Variants in TCF7L2 observed in about 807,000 individuals in gnomAD.
TCF7L2 encodes transcription factor 7 like 2.
A neutral mutation model predicts 77.9 loss-of-function variants in TCF7L2; 23 were observed. The observed-to-expected ratio is 0.30, with a 90% confidence interval of 0.21 to 0.42. The LOEUF (loss-of-function observed/expected upper bound fraction) is 0.42, where lower values mean the gene tolerates loss of function less well. TCF7L2 is among the 10% of genes least tolerant of loss of function. The pLI, the probability that TCF7L2 is intolerant of heterozygous loss-of-function variation, is 1.00. For synonymous variants in TCF7L2, 413 were observed against 340.2 expected (o/e 1.21, Z -2.36); for missense variants, 654 against 793.1 (o/e 0.82, Z 2.11).
intron 3 of TCF7L2, among the ~76,000 whole-genome samples, chr10:112,961,297 C>T (rs1264163698): frequency 2.1e-5 from 3 of 143,510 alleles, no homozygotes; most frequent in Non-Finnish European, 4.5e-5. Flanking sequence ...GCTGGGATTA[C>T]AGGCGTGAGC....
chr10:113,075,034 G>T (rs2058533520), intron 5 of TCF7L2, among the ~76,000 whole-genome samples: 1 of 152,104 alleles, frequency 6.6e-6, no homozygotes, highest in African/African-American at 2.4e-5. Context: ...TAGAGACAGG[G>T]TCTGGCTCTG....
chr10:113,013,388 G>A (rs141421832), intron 4 of TCF7L2, among the ~76,000 whole-genome samples: 1 of 152,204 alleles, frequency 6.6e-6, no homozygotes, highest in East Asian at 1.9e-4. Flanking sequence ...CAGAGTGCTG[G>A]GATTACGGGC....
At chr10:113,031,106 C>G (rs1186768537) in intron 4 of TCF7L2, among the ~76,000 whole-genome samples, 1 of 152,206 alleles carries the variant, frequency 6.6e-6, no homozygotes, top group Non-Finnish European at 1.5e-5. Context: ...CAAAGTCCTG[C>G]GTTCTGGTTT....
chr10:113,090,642 G>C (rs551925557), intron 5 of TCF7L2, among the ~76,000 whole-genome samples: 1 of 152,012 alleles, frequency 6.6e-6, no homozygotes. Flanking sequence ...ATAGAGTCTC[G>C]CTCTGTTGCC....
chr10:112,965,458 G>C (rs556841279), intron 4 of TCF7L2, among the ~76,000 whole-genome samples: 1 of 152,196 alleles, frequency 6.6e-6, no homozygotes, highest in African/African-American at 2.4e-5. Context: ...GAGTGTTCTG[G>C]CTTAACCCTT....
At chr10:113,033,070 A>C (rs183319492) in intron 4 of TCF7L2, among the ~76,000 whole-genome samples, 1 of 152,286 alleles carries the variant, frequency 6.6e-6, no homozygotes, top group African/African-American at 2.4e-5. Context: ...GGAAAAACTT[A>C]AAAGAGTTCC....
intron 3 of TCF7L2, among the ~76,000 whole-genome samples, chr10:112,962,474 A>T (rs2035512025): frequency 6.6e-6 from 1 of 152,206 alleles, no homozygotes; most frequent in African/African-American, 2.4e-5. Flanking sequence ...TTTTAACATG[A>T]TGCAGAATTG....
At chr10:113,089,490 A>G (rs1434413370) in intron 5 of TCF7L2, 1 of 1,613,788 alleles carries the variant, frequency 6.2e-7, no homozygotes, top group East Asian at 2.2e-5. Flanking sequence ...CTTCAGGGAC[A>G]TGAAAAGGAG....
At chr10:113,141,405 G>A (rs2136853934) in intron 6 of TCF7L2, 89 bp downstream of exon 6, 1 of 1,572,526 alleles carries the variant, frequency 6.4e-7, no homozygotes, top group Non-Finnish European at 8.6e-7. Context: ...CCCAGGGGTG[G>A]AGCAGTAGGG....
intron 13 of TCF7L2, among the ~76,000 whole-genome samples, chr10:113,164,716 A>G (rs1343182603): frequency 1.4e-5 from 2 of 141,932 alleles, no homozygotes; most frequent in African/African-American, 5.3e-5. Flanking sequence ...CCCCTCCCCC[A>G]CCTTTGTTTA....
At position 113,144,118 on chromosome 10, in the gene TCF7L2, G is replaced by A. The variant is rs971578457; in HGVS notation, c.788+93G>A. 1.3e-5 allele frequency: 12 copies of A among 922,466 alleles called. No homozygotes were observed. The East Asian group carries it at 2.0e-4, about 16-fold the overall frequency. 57.1% of individuals were successfully genotyped at this position (922,466 alleles called of 1,614,324 possible). A position where few individuals can be genotyped will look rare whatever the true frequency, so the allele number is the denominator to read the frequency against. ...TGTGTGTCTGTGTGTGTGTGTGTGTGTGTGTGTGTGTGTGTGTGTATGTGT... is the reference window on the plus strand; with the variant it reads ...TGTGTGTCTGTGTGTGTGTGTGTGTATGTGTGTGTGTGTGTGTGTATGTGT... On this transcript the variant is annotated intron_variant, in intron 7 of 13. Transcript: ENST00000627217.
At chr10:113,037,761 A>T (rs890339846) in intron 4 of TCF7L2, among the ~76,000 whole-genome samples, 1 of 152,196 alleles carries the variant, frequency 6.6e-6, no homozygotes, top group Non-Finnish European at 1.5e-5. Flanking sequence ...GTGGCCAAAG[A>T]TGAAAACTTG....
chr10:113,118,136 A>C (rs1327582837), intron 5 of TCF7L2, among the ~76,000 whole-genome samples: 1 of 151,746 alleles, frequency 6.6e-6, no homozygotes, highest in African/African-American at 2.4e-5. Flanking sequence ...TGGTGTTTTA[A>C]TTTTCTGGCC....
intron 5 of TCF7L2, among the ~76,000 whole-genome samples, chr10:113,093,735 CAA>C: frequency 6.6e-6 from 1 of 152,172 alleles, no homozygotes; most frequent in East Asian, 1.9e-4. Flanking sequence ...GCTCGCCACA[CAA>C]AGTCATTACA....
intron 4 of TCF7L2, among the ~76,000 whole-genome samples, chr10:113,001,368 G>A (rs2044444217): frequency 6.6e-6 from 1 of 152,174 alleles, no homozygotes; most frequent in African/African-American, 2.4e-5. Flanking sequence ...TAAGAAAAAT[G>A]CCTGCAGGGT....
intron 5 of TCF7L2, among the ~76,000 whole-genome samples, chr10:113,052,993 T>C (rs1320592608): frequency 2.0e-5 from 3 of 152,256 alleles, no homozygotes; most frequent in Admixed American, 6.5e-5. Flanking sequence ...ATTCTTTTTT[T>C]GGTGCAAACC....
chr10:113,073,969 G>A (rs1418719628), intron 5 of TCF7L2, among the ~76,000 whole-genome samples: 1 of 152,170 alleles, frequency 6.6e-6, no homozygotes, highest in African/African-American at 2.4e-5. Flanking sequence ...GTCGTGTGCT[G>A]GGTCTGGGGT....
chr10:113,072,424 G>C (rs369612353), intron 5 of TCF7L2, among the ~76,000 whole-genome samples: 2 of 151,894 alleles, frequency 1.3e-5, no homozygotes, highest in Admixed American at 1.3e-4. Flanking sequence ...GTGGGATCTC[G>C]CCTCACTGCA....
At chr10:113,162,341 C>CT (rs1424539388) in intron 13 of TCF7L2, among the ~76,000 whole-genome samples, 14 of 151,896 alleles carry the variant, frequency 9.2e-5, no homozygotes, top group Non-Finnish European at 2.1e-4. Flanking sequence ...TTTATGAATC[C>CT]TTTTTTTGTT....
Sources: allele counts gnomAD v4.1 joint callset (sites outside exome capture counted in the v4.1 genomes callset), GRCh38; gene constraint gnomAD v4.1.1; transcripts MANE v1.5; gene names NCBI Gene and HGNC (gene_info 2026-07-23, HGNC 2026-07-21).